Variants in PRUNE2 observed in about 807,000 individuals in gnomAD.
PRUNE2 encodes protein prune homolog 2.
In PRUNE2, 164 loss-of-function variants were observed where a neutral mutation model predicts 252.0. That is an observed-to-expected ratio of 0.65 (90% CI 0.57 to 0.74). PRUNE2 has a LOEUF of 0.74. PRUNE2 is among the 30% of genes least tolerant of loss of function. The pLI is 0.00. For synonymous variants in PRUNE2, 1,292 were observed against 1,350.2 expected (o/e 0.96, Z 0.94); for missense variants, 3,495 against 3,711.0 (o/e 0.94, Z 1.51).
At chr9:76,634,289 T>C (rs1839023792) in intron 15 of PRUNE2, among the ~76,000 whole-genome samples, 1 of 152,236 alleles carries the variant, frequency 6.6e-6, no homozygotes, top group Non-Finnish European at 1.5e-5. Context: ...CTTCAATAAG[T>C]AGTGTTGAAT....
intron 4 of PRUNE2, 136 bp from the exon 5 acceptor site, chr9:76,826,868 G>T: frequency 3.1e-6 from 2 of 653,966 alleles, no homozygotes. Flanking sequence ...TCCTCCACAC[G>T]TAACATTCAA....
intron 9 of PRUNE2, among the ~76,000 whole-genome samples, chr9:76,689,086 T>G (rs947099770): frequency 5.3e-5 from 8 of 152,200 alleles, no homozygotes; most frequent in Non-Finnish European, 1.0e-4. Context: ...GATTTCACTC[T>G]GTCCTTCACA....
rs540424336 is a variant in PRUNE2, at chr9:76,843,746, G to A, written c.508+2769C>T. On this transcript the variant is annotated intron_variant, in intron 4 of 18. Coordinates refer to ENST00000376718, the MANE Select transcript of PRUNE2 (RefSeq NM_015225.3). ...TCCTCTTTTTTTTTTTTTTTTTTTTGAGATGGAGTTTCACCCTTGTGCCTC... is the reference window on the plus strand; with the variant it reads ...TCCTCTTTTTTTTTTTTTTTTTTTTAAGATGGAGTTTCACCCTTGTGCCTC... Among the ~76,000 whole-genome samples, 540 of 56,158 alleles carry A rather than the reference G, an allele frequency of 9.6e-3. 2 individuals carry two copies. Among genetic ancestry groups the A allele is most frequent in the Non-Finnish European group, 0.016 (401 of 24,370 alleles). 36.8% of individuals were successfully genotyped at this position (56,158 alleles called of 152,430 possible).
rs865980069 is a variant in PRUNE2, at chr9:76,703,575, T to C, written c.8038A>G (p.Met2680Val). ...EGPQLQILEE[M>V]KPLESLALEE... Reference sequence around the variant, plus strand: ...AGTGCCAAAGATTCTAGAGGCTTCATTTCTTCCAGAATCTGCAGCTGGGGA... The same window carrying C: ...AGTGCCAAAGATTCTAGAGGCTTCACTTCTTCCAGAATCTGCAGCTGGGGA... The change falls in exon 9 of 19, where the codon ATG becomes GTG. Residue 2680 changes from methionine (M) to valine (V), a missense_variant. Met to Val is a conservative substitution (Grantham distance 21, BLOSUM62 1). Coordinates refer to ENST00000376718, the MANE Select transcript of PRUNE2 (RefSeq NM_015225.3). 8 of 1,613,664 alleles carry C rather than the reference T, an allele frequency of 5.0e-6. No homozygotes were observed. Among genetic ancestry groups the C allele is most frequent in the African/African-American group, 1.3e-5 (1 of 74,900 alleles).
At chr9:76,878,762 A>G (rs2061600213) in intron 1 of PRUNE2, among the ~76,000 whole-genome samples, 1 of 152,070 alleles carries the variant, frequency 6.6e-6, no homozygotes, top group Admixed American at 6.6e-5. Flanking sequence ...GACAACCCCC[A>G]CCTACTCACC....
At chr9:76,800,099 G>A (rs906177721) in intron 6 of PRUNE2, among the ~76,000 whole-genome samples, 2 of 151,878 alleles carry the variant, frequency 1.3e-5, no homozygotes, top group African/African-American at 2.4e-5. Flanking sequence ...TGTGCACAAC[G>A]TGCAGGTTTG....
At chr9:76,889,953 G>A (rs899893628) in intron 1 of PRUNE2, among the ~76,000 whole-genome samples, 25 of 152,206 alleles carry the variant, frequency 1.6e-4, no homozygotes, top group African/African-American at 6.0e-4. Context: ...ATCAGAGTCC[G>A]CCTTTCAGCG....
chr9:76,708,956 C>G lies in PRUNE2; in HGVS notation c.3318G>C (p.Gln1106His). 2 of 1,614,004 alleles carry G rather than the reference C, an allele frequency of 1.2e-6. No individual in the cohort carries two copies. The highest frequency in any genetic ancestry group is 1.7e-6 in the Non-Finnish European group (2 of 1,179,890). Residue 1106 changes from glutamine to histidine, a missense_variant, in exon 8 of 19, where the codon CAG becomes CAC. Gln to His is a conservative substitution (Grantham distance 24, BLOSUM62 0). Transcript: ENST00000376718. The stretch of plus-strand genomic sequence containing the variant: ...ACAAGTCGAGACTGTCAGGGGCCGT[C>G]TGCCGGGAGTTGGTGCTGCTGTGCA... Reference protein sequence around the residue: ...TLLHSSTNSRQTAPDSLDLWN... With the variant: ...TLLHSSTNSRHTAPDSLDLWN...
intron 9 of PRUNE2, among the ~76,000 whole-genome samples, chr9:76,684,504 T>C (rs1028499802): frequency 1.3e-5 from 2 of 152,208 alleles, no homozygotes; most frequent in African/African-American, 4.8e-5. Flanking sequence ...GTCTAACAGA[T>C]CTAAGTTAGC....
At position 76,709,173 on chromosome 9, in the gene PRUNE2, G is replaced by T; in HGVS notation, c.3101C>A (p.Ala1034Asp). 3.1e-6 allele frequency: 5 copies of T among 1,613,926 alleles called. No homozygotes were observed. Among genetic ancestry groups the T allele is most frequent in the Non-Finnish European group, 3.4e-6 (4 of 1,179,858 alleles). ...SSGPGNLDMW[A>D]SPHTDNSSEI... ...AGAACTGTTATCTGTATGAGGTGAA[G>T]CCCACATGTCTAGGTTCCCAGGACC... The change falls in exon 8 of 19, where the codon GCT becomes GAT. Residue 1034 changes from alanine (A) to aspartate (D), a missense_variant. Physicochemically the swap from Ala to Asp is moderately radical, Grantham distance 126 (BLOSUM62 -2). Transcript: ENST00000376718.
chr9:76,821,248 G>C (rs1002725534), intron 6 of PRUNE2, among the ~76,000 whole-genome samples: 1 of 152,194 alleles, frequency 6.6e-6, no homozygotes, highest in Non-Finnish European at 1.5e-5. Flanking sequence ...TAGGAACTAA[G>C]AAGGTTTCTT....
At chr9:76,742,892 G>A (rs2049769915) in intron 6 of PRUNE2, among the ~76,000 whole-genome samples, 1 of 152,280 alleles carries the variant, frequency 6.6e-6, no homozygotes, top group Non-Finnish European at 1.5e-5. Context: ...AATAGTGAGA[G>A]TCATATGGTT....
At chr9:76,669,421 G>A (rs924295880) in intron 9 of PRUNE2, among the ~76,000 whole-genome samples, 1 of 152,110 alleles carries the variant, frequency 6.6e-6, no homozygotes, top group African/African-American at 2.4e-5. Flanking sequence ...CTGGGTTCAA[G>A]TGATTCTCCT....
intron 6 of PRUNE2, among the ~76,000 whole-genome samples, chr9:76,746,178 A>T (rs976908853): frequency 1.3e-5 from 2 of 152,136 alleles, no homozygotes; most frequent in African/African-American, 4.8e-5. Flanking sequence ...CTCCAGAGGG[A>T]TAAGACTGTC....
At chr9:76,796,854 C>T (rs2056136558) in intron 6 of PRUNE2, among the ~76,000 whole-genome samples, 1 of 152,184 alleles carries the variant, frequency 6.6e-6, no homozygotes, top group African/African-American at 2.4e-5. Context: ...GCCTCTCCTG[C>T]AGAACTTCAG....
intron 6 of PRUNE2, among the ~76,000 whole-genome samples, chr9:76,736,022 C>A (rs1380241806): frequency 6.6e-6 from 1 of 152,112 alleles, no homozygotes; most frequent in Non-Finnish European, 1.5e-5. Flanking sequence ...ATAACATTAT[C>A]TTTTAATCAT....
At chr9:76,803,132 G>C (rs2056678434) in intron 6 of PRUNE2, among the ~76,000 whole-genome samples, 1 of 152,198 alleles carries the variant, frequency 6.6e-6, no homozygotes, top group Non-Finnish European at 1.5e-5. Flanking sequence ...TTCTAAGATG[G>C]TGAGAGATGT....
At chr9:76,753,786 C>T (rs571518081) in intron 6 of PRUNE2, among the ~76,000 whole-genome samples, 52 of 152,062 alleles carry the variant, frequency 3.4e-4, no homozygotes, top group African/African-American at 1.2e-3. Flanking sequence ...GGCGTGGTGG[C>T]GGGCACCTGT....
At chr9:76,715,811 A>T (rs1180333827) in intron 6 of PRUNE2, among the ~76,000 whole-genome samples, 1 of 152,214 alleles carries the variant, frequency 6.6e-6, no homozygotes, top group Non-Finnish European at 1.5e-5. Context: ...ATTTCAAACC[A>T]TCATTGAGGG....
Sources: allele counts gnomAD v4.1 joint callset (sites outside exome capture counted in the v4.1 genomes callset), GRCh38; gene constraint gnomAD v4.1.1; transcripts MANE v1.5; gene names NCBI Gene and HGNC (gene_info 2026-07-23, HGNC 2026-07-21).